LRPAP1: variants seen among roughly 807,000 people sequenced by gnomAD.
The protein encoded by LRPAP1 is alpha-2-macroglobulin receptor-associated protein.
A neutral mutation model predicts 39.9 loss-of-function variants in LRPAP1; 41 were observed. That is an observed-to-expected ratio of 1.03 (90% CI 0.80 to 1.33). LRPAP1 has a LOEUF of 1.33. LRPAP1 is among the 40% of genes most tolerant of loss of function. The pLI, the probability that LRPAP1 is intolerant of heterozygous loss-of-function variation, is 0.00. For synonymous variants in LRPAP1, 263 were observed against 212.7 expected (o/e 1.24, Z -2.06); for missense variants, 565 against 482.3 (o/e 1.17, Z -1.61).
intron 2 of LRPAP1, among the ~76,000 whole-genome samples, chr4:3,521,910 A>C (rs1198607507): frequency 6.6e-6 from 1 of 152,212 alleles, no homozygotes; most frequent in Non-Finnish European, 1.5e-5. Context: ...CCAAGGCAGG[A>C]GGGCCGTCTG....
chr4:3,526,258 C>T (rs73793989), intron 1 of LRPAP1, among the ~76,000 whole-genome samples: 1,537 of 152,260 alleles, frequency 0.01, 26 homozygotes, highest in African/African-American at 0.035. Context: ...TCACATTCCC[C>T]CGGGGCTGGT....
rs1729381139 is a variant in LRPAP1 at position 3,507,271 on chromosome 4, A to G, written c.*5703T>C. 1 of 152,232 alleles carries G rather than the reference A, an allele frequency of 6.6e-6. No homozygotes were observed. Among genetic ancestry groups the G allele is most frequent in the South Asian group, 2.1e-4 (1 of 4,832 alleles). The allele number at this position is 152,232 out of a possible 1,614,324, so 9.4% of individuals were successfully genotyped here. A position where few individuals can be genotyped will look rare whatever the true frequency, so the allele number is the denominator to read the frequency against. On this transcript the variant is annotated 3_prime_UTR_variant, in exon 8 of 8. Coordinates refer to ENST00000650182, the MANE Select transcript of LRPAP1 (RefSeq NM_002337.4). The stretch of plus-strand genomic sequence containing the variant: ...CCCAGTTTTTTAAATAGGCAAAAGA[A>G]TTAAGTAGGCCCTTCCCAAAGACGC...
At chr4:3,522,647 GC>G (rs1305020528) in intron 2 of LRPAP1, among the ~76,000 whole-genome samples, 1 of 120,186 alleles carries the variant, frequency 8.3e-6, no homozygotes, top group Non-Finnish European at 1.8e-5. Flanking sequence ...CACACCCCCT[GC>G]CTGGGGAGGA....
In LRPAP1 at chr4:3,513,036, C is replaced by G; in HGVS notation, c.1012G>C (p.Val338Leu). The G allele has an allele frequency of 3.7e-6, 6 of 1,611,736 alleles. No individual in the cohort carries two copies. Among genetic ancestry groups the G allele is most frequent in the Non-Finnish European group, 5.1e-6 (6 of 1,178,932 alleles). The change falls in exon 8 of 8, where the codon GTG (valine) becomes CTG (leucine). Residue 338 changes from valine to leucine, a missense_variant and splice_region_variant. Val to Leu is a conservative substitution (Grantham distance 32, BLOSUM62 1). Transcript: ENST00000650182. Reference sequence around the variant, plus strand: ...GACAGGTCCTGCAGATGCTTCTTCACCTGTGGACAGAAACGTCTCATCAGC... The same window carrying G: ...GACAGGTCCTGCAGATGCTTCTTCAGCTGTGGACAGAAACGTCTCATCAGC... ...EGRTKELGYT[V>L]KKHLQDLSGR...
In LRPAP1 at chr4:3,512,822, C is replaced by T; in HGVS notation, c.*152G>A. On this transcript the variant is annotated 3_prime_UTR_variant, in exon 8 of 8. Transcript: ENST00000650182. The stretch of plus-strand genomic sequence containing the variant: ...ACCAAGCCCTGTGTCGCGACGGCAG[C>T]GGCTGCAGTCACCAGAAACAATCCT... The T allele has an allele frequency of 4.7e-6, 3 of 636,618 alleles. No homozygotes were observed. Among genetic ancestry groups the T allele is most frequent in the East Asian group, 2.8e-5 (1 of 35,996 alleles). 39.4% of individuals were successfully genotyped at this position (636,618 alleles called of 1,614,324 possible). A position where few individuals can be genotyped will look rare whatever the true frequency, so the allele number is the denominator to read the frequency against.
chr4:3,512,675 A>G lies in LRPAP1; in HGVS notation c.*299T>C. ...CGTGTTGTTTTAGCAGAGGACTATCAGACCTGACAGCAGCTGGACATCGAG... is the reference window on the plus strand; with the variant it reads ...CGTGTTGTTTTAGCAGAGGACTATCGGACCTGACAGCAGCTGGACATCGAG... On this transcript the variant is annotated 3_prime_UTR_variant, in exon 8 of 8. Coordinates refer to ENST00000650182, the MANE Select transcript of LRPAP1 (RefSeq NM_002337.4). 1 of 433,750 alleles carries G rather than the reference A, an allele frequency of 2.3e-6. No individual in the cohort carries two copies. Among genetic ancestry groups the G allele is most frequent in the South Asian group, 3.8e-5 (1 of 26,238 alleles). The allele number at this position is 433,750 out of a possible 1,614,324, so 26.9% of individuals were successfully genotyped here.
chr4:3,525,305 T>G (rs1232633854), intron 1 of LRPAP1, among the ~76,000 whole-genome samples: 1 of 152,156 alleles, frequency 6.6e-6, no homozygotes, highest in Non-Finnish European at 1.5e-5. Context: ...CAGCAGCGGC[T>G]GCTCATTCCT....
intron 3 of LRPAP1, 25 bp from the exon 4 acceptor site, chr4:3,519,016 T>C: frequency 1.9e-6 from 3 of 1,607,500 alleles, no homozygotes; most frequent in Non-Finnish European, 2.6e-6. Flanking sequence ...AGGCCTGGAG[T>C]GAACCCGCCG....
intron 2 of LRPAP1, among the ~76,000 whole-genome samples, chr4:3,522,346 C>T (rs926325949): frequency 6.6e-6 from 1 of 152,226 alleles, no homozygotes; most frequent in African/African-American, 2.4e-5. Context: ...AGGCAGAGTA[C>T]CCACGGCTGC....
At chr4:3,516,221 GC>G (rs936644220) in intron 5 of LRPAP1, 23 bp from the exon 6 acceptor site, 2 of 1,545,060 alleles carry the variant, frequency 1.3e-6, no homozygotes, top group Non-Finnish European at 1.8e-6. Flanking sequence ...AGCAAGAGTG[GC>G]CTCAGCAGCA....
chr4:3,521,295 G>A (rs1175779733), intron 2 of LRPAP1, among the ~76,000 whole-genome samples: 1 of 152,154 alleles, frequency 6.6e-6, no homozygotes, highest in East Asian at 1.9e-4. Context: ...TGCTGGGCTC[G>A]GAGCCTCCCT....
chr4:3,516,105 T>C lies in LRPAP1; in HGVS notation c.834+11A>G, dbSNP rs1162818955. On this transcript the variant is annotated intron_variant, in intron 6 of 7. Coordinates refer to ENST00000650182, the MANE Select transcript of LRPAP1 (RefSeq NM_002337.4). ...GGAGAGAGCTAGAAGGAGAGGGCCG[T>C]GTTTCCTTACCCGGAACGCCTCCAG... 1 of 1,564,638 alleles carries C rather than the reference T, an allele frequency of 6.4e-7. No individual in the cohort carries two copies. The highest frequency in any genetic ancestry group is 1.3e-5 in the African/African-American group (1 of 74,150).
chr4:3,523,444 A>G (rs1192898256), intron 2 of LRPAP1, among the ~76,000 whole-genome samples: 2 of 152,210 alleles, frequency 1.3e-5, no homozygotes, highest in Non-Finnish European at 2.9e-5. Flanking sequence ...ACCAGCAAAA[A>G]TGAAGCCGGC....
chr4:3,524,341 A>G (rs962638378), intron 2 of LRPAP1, among the ~76,000 whole-genome samples: 1 of 152,234 alleles, frequency 6.6e-6, no homozygotes, highest in African/African-American at 2.4e-5. Flanking sequence ...CACTAAGCGC[A>G]TGACAACCAA....
intron 1 of LRPAP1, among the ~76,000 whole-genome samples, chr4:3,527,288 C>T (rs2108697047): frequency 6.6e-6 from 1 of 152,320 alleles, no homozygotes; most frequent in Non-Finnish European, 1.5e-5. Flanking sequence ...CCCCTCTGTG[C>T]CCTGGACACT....
intron 3 of LRPAP1, among the ~76,000 whole-genome samples, 183 bp from the exon 4 acceptor site, chr4:3,519,174 C>A (rs1454307478): frequency 6.6e-6 from 1 of 152,194 alleles, no homozygotes; most frequent in Non-Finnish European, 1.5e-5. Flanking sequence ...CGGCAGGCAA[C>A]CACCCTTCTC....
At position 3,513,009 on chromosome 4, in the gene LRPAP1, CG is replaced by C; in HGVS notation, c.1038del (p.Gly347AlafsTer26). 6.2e-7 allele frequency: 1 copy of C among 1,612,752 alleles called. No homozygotes were observed. Among genetic ancestry groups the C allele is most frequent in the Non-Finnish European group, 8.5e-7 (1 of 1,179,470 alleles). ...TTGTGCCGAGCTCTGGAGATCCTGCCGGACAGGTCCTGCAGATGCTTCTTCA... is the reference window on the plus strand; with the variant it reads ...TTGTGCCGAGCTCTGGAGATCCTGCCGACAGGTCCTGCAGATGCTTCTTCA... ...YTVKKHLQDLSGRISRARHNE... is the reference protein window; with the variant it reads ...YTVKKHLQDLXGRISRARHNE... On this transcript the variant is annotated frameshift_variant, in exon 8 of 8. Transcript: ENST00000650182. LOFTEE classifies it high-confidence loss of function.
rs747550855 is a variant in LRPAP1, at chr4:3,511,095, G to A, written c.*1879C>T. 6 of 152,166 alleles carry A rather than the reference G, an allele frequency of 3.9e-5. No homozygotes were observed. The highest frequency in any genetic ancestry group is 9.7e-5 in the African/African-American group (4 of 41,412). 9.4% of individuals were successfully genotyped at this position (152,166 alleles called of 1,614,324 possible). A position where few individuals can be genotyped will look rare whatever the true frequency, so the allele number is the denominator to read the frequency against. ...CAGGCTGTCCATAATTAAAAATACC[G>A]AGCACCAAGTCTCAGCAATCCACTA... On this transcript the variant is annotated 3_prime_UTR_variant, in exon 8 of 8. Transcript: ENST00000650182.
intron 1 of LRPAP1, among the ~76,000 whole-genome samples, chr4:3,531,752 A>C (rs1730261404): frequency 1.3e-5 from 2 of 152,238 alleles, no homozygotes; most frequent in Admixed American, 1.3e-4. Flanking sequence ...TTCTCGCTCA[A>C]ATGAACAAGC....
Sources: allele counts gnomAD v4.1 joint callset (sites outside exome capture counted in the v4.1 genomes callset), GRCh38; gene constraint gnomAD v4.1.1; transcripts MANE v1.5; gene names NCBI Gene and HGNC (gene_info 2026-07-23, HGNC 2026-07-21).